The following RAB21 variants were observed in gnomAD, a reference collection of about 807,000 sequenced individuals.
RAB21 encodes ras-related protein Rab-21.
RAB21 carries 13 observed loss-of-function variants against 33.1 expected under a neutral mutation model. That is an observed-to-expected ratio of 0.39 (90% CI 0.26 to 0.62). The LOEUF (loss-of-function observed/expected upper bound fraction) is 0.62, where lower values mean the gene tolerates loss of function less well. Ranked by LOEUF, RAB21 falls within the 20% of genes least tolerant of loss-of-function variation. The pLI is 0.48. For synonymous variants in RAB21, 91 were observed against 103.7 expected (o/e 0.88, Z 0.74); for missense variants, 234 against 279.1 (o/e 0.84, Z 1.15).
chr12:71,772,272 T>C (rs1883054812), intron 3 of RAB21, among the ~76,000 whole-genome samples: 1 of 152,188 alleles, frequency 6.6e-6, no homozygotes, highest in Admixed American at 6.5e-5. Flanking sequence ...CTCTCATTAT[T>C]CTGTATTCTA....
At position 71,766,755 on chromosome 12, in the gene RAB21, G is replaced by A. The variant is rs551703709; in HGVS notation, c.160-3045G>A. On this transcript the variant is annotated intron_variant, in intron 1 of 6. Transcript: ENST00000261263. ...AAAAAGAGCCATATTTGGATAGGTG[G>A]AATTCAGATAGAGAACAGAGAATAG... Among the ~76,000 whole-genome samples, 18 of 152,168 alleles carry A rather than the reference G, an allele frequency of 1.2e-4. No homozygotes were observed. In the South Asian group the frequency reaches 3.5e-3, roughly 30 times the overall value.
intron 3 of RAB21, 62 bp from the exon 4 acceptor site, chr12:71,773,897 G>T: frequency 8.6e-7 from 1 of 1,160,412 alleles, no homozygotes. Flanking sequence ...AGTTTTTTGG[G>T]TGTTGTGATA....
At chr12:71,766,669 C>A (rs960033060) in intron 1 of RAB21, among the ~76,000 whole-genome samples, 1 of 152,036 alleles carries the variant, frequency 6.6e-6, no homozygotes, top group Non-Finnish European at 1.5e-5. Context: ...TAAAATTCTT[C>A]AGGCTAGAAA....
At chr12:71,777,625 G>T (rs963273777) in intron 4 of RAB21, among the ~76,000 whole-genome samples, 3 of 152,138 alleles carry the variant, frequency 2.0e-5, no homozygotes, top group Admixed American at 6.5e-5. Flanking sequence ...CATTTGACAA[G>T]AATTCATTCT....
At chr12:71,762,861 G>A (rs181579129) in intron 1 of RAB21, among the ~76,000 whole-genome samples, 13 of 152,242 alleles carry the variant, frequency 8.5e-5, no homozygotes, top group African/African-American at 2.6e-4. Context: ...GATTACAGGC[G>A]TGAGCCACCA....
At chr12:71,767,163 A>G (rs1220319460) in intron 1 of RAB21, among the ~76,000 whole-genome samples, 2 of 152,060 alleles carry the variant, frequency 1.3e-5, no homozygotes, top group Non-Finnish European at 2.9e-5. Flanking sequence ...AGATAATTTC[A>G]TTGTTTTTGT....
At position 71,795,051 on chromosome 12, in the gene RAB21, G is replaced by T. The variant is rs1883449849; in HGVS notation, c.*9378G>T. On this transcript the variant is annotated 3_prime_UTR_variant, in exon 7 of 7. Transcript: ENST00000261263. ...ACAGGGATAAGATTATTGAAAATTG[G>T]GGGGAATTTTCTTAAATATGGAACT... is the stretch of plus-strand genomic sequence containing the variant. The T allele has an allele frequency of 6.6e-6, 1 of 151,968 alleles. No individual in the cohort carries two copies. Among genetic ancestry groups the T allele is most frequent in the Non-Finnish European group, 1.5e-5 (1 of 68,008 alleles). The allele number at this position is 151,968 out of a possible 1,614,324, so 9.4% of individuals were successfully genotyped here.
intron 1 of RAB21, among the ~76,000 whole-genome samples, chr12:71,762,001 TCATA>T (rs1455579687): frequency 2.0e-5 from 3 of 152,200 alleles, no homozygotes; most frequent in African/African-American, 7.2e-5. Context: ...TATAATATCT[TCATA>T]CAGTATAATA....
chr12:71,769,563 A>G (rs1043825981), intron 1 of RAB21, among the ~76,000 whole-genome samples: 1 of 152,184 alleles, frequency 6.6e-6, no homozygotes, highest in Non-Finnish European at 1.5e-5. Context: ...AGAAAAAAAT[A>G]CTTATTTTCT....
intron 1 of RAB21, among the ~76,000 whole-genome samples, chr12:71,764,512 C>T (rs1016643637): frequency 6.6e-6 from 1 of 151,832 alleles, no homozygotes; most frequent in African/African-American, 2.4e-5. Context: ...TTTTTTGCTA[C>T]ATGGATAAGT....
chr12:71,762,741 C>G (rs2137640999), intron 1 of RAB21, among the ~76,000 whole-genome samples: 1 of 152,186 alleles, frequency 6.6e-6, no homozygotes, highest in East Asian at 1.9e-4. Flanking sequence ...CACCATCACG[C>G]CTGGCTAATT....
intron 1 of RAB21, among the ~76,000 whole-genome samples, chr12:71,768,472 C>T (rs1421481110): frequency 2.0e-5 from 3 of 152,056 alleles, no homozygotes; most frequent in African/African-American, 7.2e-5. Flanking sequence ...CGTCAGCTGA[C>T]TCTGGATTCT....
At chr12:71,778,398 A>C (rs1008783244) in intron 4 of RAB21, among the ~76,000 whole-genome samples, 2 of 152,144 alleles carry the variant, frequency 1.3e-5, no homozygotes, top group Non-Finnish European at 2.9e-5. Flanking sequence ...TACTTCATTT[A>C]AGCCTCCTGA....
rs1883509849 is a variant in RAB21, at chr12:71,799,479, T to C, written c.*13806T>C. 1 of 152,252 alleles carries C rather than the reference T, an allele frequency of 6.6e-6. No individual in the cohort carries two copies. Among genetic ancestry groups the C allele is most frequent in the Non-Finnish European group, 1.5e-5 (1 of 68,048 alleles). The allele number at this position is 152,252 out of a possible 1,614,324, so 9.4% of individuals were successfully genotyped here. On this transcript the variant is annotated 3_prime_UTR_variant, in exon 7 of 7. Coordinates refer to ENST00000261263, the MANE Select transcript of RAB21 (RefSeq NM_014999.4). ...TCTTTTGACCTAGCAGTTTCACTTC[T>C]TGGAATATATCCTGTAAATATGCTT...
At position 71,785,673 on chromosome 12, in the gene RAB21, A is replaced by T; in HGVS notation, c.678A>T (p.Ter226TyrextTer137). 1.2e-6 allele frequency: 2 copies of T among 1,614,126 alleles called. No individual in the cohort carries two copies. The highest frequency in any genetic ancestry group is 1.7e-6 in the Non-Finnish European group (2 of 1,180,008). The change falls in exon 7 of 7, where the codon TAA (stop) becomes TAT (tyrosine). Residue 226 changes from the stop codon to tyrosine (Y), a stop_lost. Coordinates refer to ENST00000261263, the MANE Select transcript of RAB21 (RefSeq NM_014999.4). ...TSGGGCCSSG* is the reference protein window; with the variant it reads ...TSGGGCCSSGY Reference sequence around the variant, plus strand: ...GTGGAGGGTGCTGTTCTTCTGGATAACTGTTCACGCCTAAGAAATTAAAAG... The same window carrying T: ...GTGGAGGGTGCTGTTCTTCTGGATATCTGTTCACGCCTAAGAAATTAAAAG...
chr12:71,781,957 A>G (rs913833876), intron 4 of RAB21, 74 bp from the exon 5 acceptor site: 1 of 1,162,606 alleles, frequency 8.6e-7, no homozygotes, highest in Admixed American at 2.1e-5. Flanking sequence ...TGGCAATTTT[A>G]TATTTAGAAT....
intron 4 of RAB21, among the ~76,000 whole-genome samples, chr12:71,779,093 A>G (rs1883161004): frequency 6.6e-6 from 1 of 152,206 alleles, no homozygotes; most frequent in South Asian, 2.1e-4. Context: ...TTATTTTCAC[A>G]TCAACCCTGC....
intron 1 of RAB21, among the ~76,000 whole-genome samples, chr12:71,768,090 T>C (rs1291367710): frequency 6.6e-6 from 1 of 152,192 alleles, no homozygotes; most frequent in African/African-American, 2.4e-5. Flanking sequence ...TTTTGGCATT[T>C]AATTTTTCTT....
At chr12:71,781,162 T>G (rs1031076311) in intron 4 of RAB21, among the ~76,000 whole-genome samples, 1 of 152,206 alleles carries the variant, frequency 6.6e-6, no homozygotes, top group East Asian at 1.9e-4. Flanking sequence ...TAAAATTGTT[T>G]TTTAAACAAA....
Sources: allele counts gnomAD v4.1 joint callset (sites outside exome capture counted in the v4.1 genomes callset), GRCh38; gene constraint gnomAD v4.1.1; transcripts MANE v1.5; gene names NCBI Gene and HGNC (gene_info 2026-07-23, HGNC 2026-07-21).